The following UBR2 variants were observed in gnomAD, a reference collection of about 807,000 sequenced individuals.
UBR2 encodes ubiquitin protein ligase E3 component n-recognin 2.
UBR2 carries 92 observed loss-of-function variants against 247.9 expected under a neutral mutation model. The ratio of observed to expected loss-of-function variants is 0.37; its 90% CI spans 0.31 to 0.44. The LOEUF is 0.44. UBR2 is among the 20% of genes least tolerant of loss of function. UBR2 has a pLI of 1.00. For synonymous variants in UBR2, 672 were observed against 693.5 expected (o/e 0.97, Z 0.49); for missense variants, 1,613 against 2,112.6 (o/e 0.76, Z 4.64).
chr6:42,634,359 A>G (rs1582601843), intron 13 of UBR2: 2 of 252,558 alleles, frequency 7.9e-6, no homozygotes, highest in African/African-American at 2.3e-5. Context: ...AGCAAGTACT[A>G]TTATGATTTC....
At chr6:42,569,129 C>G (rs946048520) in intron 1 of UBR2, among the ~76,000 whole-genome samples, 1 of 152,144 alleles carries the variant, frequency 6.6e-6, no homozygotes, top group Non-Finnish European at 1.5e-5. Flanking sequence ...TTGCTGTGAA[C>G]ATTTTTTACA....
intron 33 of UBR2, 38 bp from the exon 34 acceptor site, chr6:42,666,129 A>T: frequency 6.5e-7 from 1 of 1,530,854 alleles, no homozygotes; most frequent in South Asian, 1.2e-5. Flanking sequence ...GAATATTGTC[A>T]TCTATTGAAT....
At chr6:42,571,061 G>T (rs551130145) in intron 1 of UBR2, among the ~76,000 whole-genome samples, 1 of 148,792 alleles carries the variant, frequency 6.7e-6, no homozygotes, top group East Asian at 2.1e-4. Context: ...GAACAAATTT[G>T]CTCTCGTTAC....
chr6:42,624,837 T>C (rs576559112), intron 11 of UBR2, among the ~76,000 whole-genome samples: 100 of 152,162 alleles, frequency 6.6e-4, no homozygotes, highest in Non-Finnish European at 1.2e-3. Context: ...ATAGGAGTAA[T>C]TGTGGAAGTT....
chr6:42,582,625 CTT>C (rs553138036), intron 2 of UBR2, among the ~76,000 whole-genome samples: 1 of 150,706 alleles, frequency 6.6e-6, no homozygotes, highest in Non-Finnish European at 1.5e-5. Context: ...TGTTGTCAGA[CTT>C]TTTTTTTAAC....
At chr6:42,686,821 G>A (rs983257960) in intron 44 of UBR2, among the ~76,000 whole-genome samples, 2 of 151,818 alleles carry the variant, frequency 1.3e-5, no homozygotes, top group Non-Finnish European at 2.9e-5. Context: ...GCGGCTGCCG[G>A]GCGGAGGGGC....
rs1791324168 is a variant in UBR2, at chr6:42,573,845, C to G, written c.190C>G (p.Leu64Val). 1.9e-6 allele frequency: 3 copies of G among 1,614,032 alleles called. No individual in the cohort carries two copies. The highest frequency in any genetic ancestry group is 1.7e-5 in the Admixed American group (1 of 60,002). ...PNPFPQKEDM[L>V]AQHVLLGPME... ...CCCTTTTCCACAGAAAGAAGACATGCTGGCACAGCATGTTTTGTTGGGACC... is the reference window on the plus strand; with the variant it reads ...CCCTTTTCCACAGAAAGAAGACATGGTGGCACAGCATGTTTTGTTGGGACC... Residue 64 changes from leucine (L) to valine (V), a missense_variant, in exon 2 of 47, where the codon CTG (leucine) becomes GTG (valine). This residue lies in a region of UBR2 where 1,524 missense variants were observed against 1,967.3 expected (regional missense o/e 0.77). Coordinates refer to ENST00000372901, the MANE Select transcript of UBR2 (RefSeq NM_001363705.2).
At chr6:42,606,062 G>C (rs1466515424) in intron 6 of UBR2, among the ~76,000 whole-genome samples, 1 of 152,086 alleles carries the variant, frequency 6.6e-6, no homozygotes, top group Non-Finnish European at 1.5e-5. Flanking sequence ...GACTAACATG[G>C]TGAAACCCCA....
Position 42,573,938 on chromosome 6 carries a change from CCTT to C in UBR2, c.286_288del (p.Ser96del). ...TCCAAAACTTGAGCAAGCAAACAAACCTTCTCATCTTTGTGGTCGTGTTTTTAA... is the reference window on the plus strand; with the variant it reads ...TCCAAAACTTGAGCAAGCAAACAAACCTCATCTTTGTGGTCGTGTTTTTAA... On this transcript the variant is annotated inframe_deletion, in exon 2 of 47. Coordinates refer to ENST00000372901, the MANE Select transcript of UBR2 (RefSeq NM_001363705.2). The C allele has an allele frequency of 1.2e-6, 2 of 1,613,002 alleles. No individual in the cohort carries two copies. The highest frequency in any genetic ancestry group is 1.7e-6 in the Non-Finnish European group (2 of 1,179,612).
chr6:42,653,063 G>A (rs1031149157), intron 25 of UBR2, among the ~76,000 whole-genome samples: 1 of 152,110 alleles, frequency 6.6e-6, no homozygotes, highest in Non-Finnish European at 1.5e-5. Context: ...TGGCAAGTCT[G>A]GAACCTTGTT....
At chr6:42,672,493 TTATTAGAGGGGCTC>T (rs1798505092) in intron 36 of UBR2, among the ~76,000 whole-genome samples, 1 of 152,096 alleles carries the variant, frequency 6.6e-6, no homozygotes, top group Non-Finnish European at 1.5e-5. Context: ...CTCTAATACG[TTATTAGAGGGGCTC>T]CTCAAAAGCA....
intron 2 of UBR2, among the ~76,000 whole-genome samples, chr6:42,587,605 G>A (rs899029454): frequency 6.6e-5 from 10 of 152,012 alleles, no homozygotes; most frequent in African/African-American, 9.7e-5. Flanking sequence ...TGATCCTCCC[G>A]CCTCAGCCTC....
Position 42,693,141 on chromosome 6 carries a change from C to T in UBR2, c.*1968C>T, listed in dbSNP as rs1033281303. 4.3e-5 allele frequency: 6 copies of T among 140,868 alleles called. No homozygotes were observed. The highest frequency in any genetic ancestry group is 1.5e-4 in the African/African-American group (6 of 40,128). 8.7% of individuals were successfully genotyped at this position (140,868 alleles called of 1,614,324 possible). A position where few individuals can be genotyped will look rare whatever the true frequency, so the allele number is the denominator to read the frequency against. On this transcript the variant is annotated 3_prime_UTR_variant, in exon 47 of 47. Coordinates refer to ENST00000372901, the MANE Select transcript of UBR2 (RefSeq NM_001363705.2). ...CATAACAATACTCCAGCTTTCCGGT[C>T]CGACTTCCTAGGAGCCTGGAGTTAG...
intron 32 of UBR2, 147 bp from the exon 33 acceptor site, chr6:42,665,261 AT>A (rs549421784): frequency 2.9e-5 from 16 of 543,386 alleles, no homozygotes; most frequent in South Asian, 9.8e-5. Context: ...CAATATCCTG[AT>A]TTTTTTTAAT....
At chr6:42,596,438 T>A (rs1250602168) in intron 4 of UBR2, among the ~76,000 whole-genome samples, 1 of 152,112 alleles carries the variant, frequency 6.6e-6, no homozygotes, top group African/African-American at 2.4e-5. Context: ...ACAGTTTGGC[T>A]GTTCCTCAAA....
intron 2 of UBR2, among the ~76,000 whole-genome samples, chr6:42,576,028 C>T (rs1791482739): frequency 6.6e-6 from 1 of 151,686 alleles, no homozygotes; most frequent in South Asian, 2.1e-4. Context: ...CTTTCCTTTT[C>T]CCTTCTGTTT....
intron 43 of UBR2, among the ~76,000 whole-genome samples, chr6:42,684,131 G>T (rs1179096767): frequency 6.6e-6 from 1 of 152,152 alleles, no homozygotes; most frequent in Non-Finnish European, 1.5e-5. Flanking sequence ...AAATGGAACA[G>T]TAATCCTCAA....
At chr6:42,686,563 A>G (rs895945636) in intron 44 of UBR2, among the ~76,000 whole-genome samples, 3 of 152,206 alleles carry the variant, frequency 2.0e-5, no homozygotes, top group African/African-American at 4.8e-5. Context: ...CGCCATCGTC[A>G]TCACGGCCTG....
intron 42 of UBR2, among the ~76,000 whole-genome samples, chr6:42,680,327 A>C (rs2151991119): frequency 6.6e-6 from 1 of 152,280 alleles, no homozygotes; most frequent in South Asian, 2.1e-4. Flanking sequence ...CTTTTCAGTA[A>C]ACTTTTTGCC....
Sources: allele counts gnomAD v4.1 joint callset (sites outside exome capture counted in the v4.1 genomes callset), GRCh38; gene constraint gnomAD v4.1.1; regional missense constraint gnomAD v4.1.1; transcripts MANE v1.5; gene names NCBI Gene and HGNC (gene_info 2026-07-23, HGNC 2026-07-21).